Variants in TASP1 observed in about 807,000 individuals in gnomAD.
The protein encoded by TASP1 is threonine aspartase 1.
A neutral mutation model predicts 56.6 loss-of-function variants in TASP1; 16 were observed. That is an observed-to-expected ratio of 0.28 (90% CI 0.19 to 0.43). The LOEUF is 0.43. TASP1 is among the 20% of genes least tolerant of loss of function. TASP1 has a pLI of 1.00. For missense variants in TASP1, 393 were observed against 511.6 expected, an observed-to-expected ratio of 0.77 and a Z score of 2.24; for synonymous variants, 179 against 184.2, an observed-to-expected ratio of 0.97 and a Z score of 0.23.
the TASP1 span, among the ~76,000 whole-genome samples, chr20:13,181,648 G>C: frequency 1.4e-4 from 21 of 152,272 alleles, no homozygotes; most frequent in Middle Eastern, 3.4e-3. Flanking sequence ...TGATGACGAT[G>C]AGACATATTA....
chr20:13,215,943 G>T, the TASP1 span, among the ~76,000 whole-genome samples: 1 of 151,972 alleles, frequency 6.6e-6, no homozygotes, highest in African/African-American at 2.4e-5. Context: ...TGACCCCTTC[G>T]TAGTTCAAAG....
the TASP1 span, among the ~76,000 whole-genome samples, chr20:13,254,863 G>A: frequency 6.6e-6 from 1 of 152,150 alleles, no homozygotes; most frequent in Non-Finnish European, 1.5e-5. Context: ...ACACTTATTG[G>A]GCATTGAAAT....
At chr20:13,136,618 T>TATAA in the TASP1 span, among the ~76,000 whole-genome samples, 9 of 146,166 alleles carry the variant, frequency 6.2e-5, no homozygotes, top group East Asian at 8.0e-4. Context: ...TATATATATA[T>TATAA]AATATACATA....
Position 13,553,274 on chromosome 20 carries a change from T to G in TASP1, c.675+5734A>C, listed in dbSNP as rs1028849. Among the ~76,000 whole-genome samples, 493 of 152,232 alleles carry G rather than the reference T, an allele frequency of 3.2e-3. 2 individuals carry two copies. The highest frequency in any genetic ancestry group is 0.012 in the East Asian group (60 of 5,182). On this transcript the variant is annotated intron_variant, in intron 8 of 13. Transcript: ENST00000337743. ...GTTTTTAACGTTTTGACAAAAATAT[T>G]TAAAGGTCATGGAACAAGCTAAATT...
At chr20:13,222,311 G>A in the TASP1 span, among the ~76,000 whole-genome samples, 16 of 152,184 alleles carry the variant, frequency 1.1e-4, no homozygotes, top group Non-Finnish European at 1.9e-4. Context: ...GACGCAAGGA[G>A]ACTTTATAGG....
At chr20:13,282,847 G>C in the TASP1 span, among the ~76,000 whole-genome samples, 3 of 152,188 alleles carry the variant, frequency 2.0e-5, no homozygotes, top group African/African-American at 7.2e-5. Flanking sequence ...GCGAAGCTGA[G>C]ACTGCTAGCC....
At chr20:13,592,287 C>T (rs1417062555) in intron 4 of TASP1, among the ~76,000 whole-genome samples, 1 of 151,642 alleles carries the variant, frequency 6.6e-6, no homozygotes, top group Non-Finnish European at 1.5e-5. Context: ...ATCCCAGCTA[C>T]TCGGGAGGCT....
chr20:13,500,054 TA>T (rs1376876522), intron 10 of TASP1, among the ~76,000 whole-genome samples: 1 of 151,548 alleles, frequency 6.6e-6, no homozygotes, highest in African/African-American at 2.4e-5. Flanking sequence ...GAGTGATGGA[TA>T]CACTAGAAGC....
At chr20:13,520,315 G>C (rs1038669533) in intron 10 of TASP1, among the ~76,000 whole-genome samples, 4 of 152,278 alleles carry the variant, frequency 2.6e-5, no homozygotes, top group East Asian at 1.9e-4. Context: ...ACATTGCCAA[G>C]TCAATCCTAA....
intron 7 of TASP1, among the ~76,000 whole-genome samples, chr20:13,560,110 CTT>C (rs978604574): frequency 6.6e-6 from 1 of 152,086 alleles, no homozygotes; most frequent in African/African-American, 2.4e-5. Context: ...AATTTTAAAA[CTT>C]GATATACAAA....
Position 13,409,124 on chromosome 20 carries a change from A to C in TASP1, c.1170+8324T>G, listed in dbSNP as rs2042015100. 2.0e-5 allele frequency among the ~76,000 whole-genome samples: 3 copies of C among 152,002 alleles called. No homozygotes were observed. In the South Asian group the frequency reaches 6.2e-4, roughly 31 times the overall value. ...TTTAATGTTTTAATTGCATCCTATA[A>C]ATTCTGATATATTGTTTTAATTATC... On this transcript the variant is annotated intron_variant, in intron 13 of 13. Coordinates refer to ENST00000337743, the MANE Select transcript of TASP1 (RefSeq NM_017714.3).
rs192942780 is a variant in TASP1 at position 13,396,824 on chromosome 20, G to A, written c.1171-6372C>T. 1.3e-4 allele frequency among the ~76,000 whole-genome samples: 20 copies of A among 152,252 alleles called. No individual in the cohort carries two copies. In the East Asian group the frequency reaches 1.9e-3, roughly 15 times the overall value. On this transcript the variant is annotated intron_variant, in intron 13 of 13. Coordinates refer to ENST00000337743, the MANE Select transcript of TASP1 (RefSeq NM_017714.3). ...CAGATGAAACACAAAGATGACATTC[G>A]GGTAAATTTCATTGTTAGCACTGAA...
At chr20:13,279,960 A>G in the TASP1 span, 4 of 1,498,164 alleles carry the variant, frequency 2.7e-6, no homozygotes, top group Non-Finnish European at 3.6e-6. Flanking sequence ...GATGCCTTGG[A>G]CATGGAGCCA....
chr20:13,504,774 C>T (rs1050527188), intron 10 of TASP1, among the ~76,000 whole-genome samples: 1 of 151,966 alleles, frequency 6.6e-6, no homozygotes, highest in Non-Finnish European at 1.5e-5. Flanking sequence ...TAGCTGTTAG[C>T]TTAAAATAGA....
chr20:13,471,600 T>G (rs1253946680), intron 11 of TASP1, among the ~76,000 whole-genome samples: 1 of 152,182 alleles, frequency 6.6e-6, no homozygotes, highest in South Asian at 2.1e-4. Flanking sequence ...GTTCTATTTC[T>G]CTAATTGCCA....
intron 10 of TASP1, among the ~76,000 whole-genome samples, chr20:13,483,621 C>CA (rs923246054): frequency 5.7e-4 from 87 of 151,734 alleles, no homozygotes; most frequent in Non-Finnish European, 1.1e-3. Context: ...TAGGCACTAA[C>CA]AAAAAAAATC....
chr20:13,272,887 T>G, the TASP1 span, among the ~76,000 whole-genome samples: 1 of 152,192 alleles, frequency 6.6e-6, no homozygotes, highest in African/African-American at 2.4e-5. Flanking sequence ...ATCCCAAGGG[T>G]GTTTAGGCCA....
the TASP1 span, among the ~76,000 whole-genome samples, chr20:13,170,873 C>T: frequency 8.5e-5 from 13 of 152,254 alleles, no homozygotes; most frequent in South Asian, 2.5e-3. Context: ...TTTCCCAGAT[C>T]TGAAGCATGC....
intron 6 of TASP1, among the ~76,000 whole-genome samples, chr20:13,571,004 C>T (rs2046694156): frequency 6.6e-6 from 1 of 152,144 alleles, no homozygotes; most frequent in African/African-American, 2.4e-5. Context: ...TCAGCACTCC[C>T]ATTGGTCACT....
Sources: gnomAD v4.1 joint callset for allele counts (sites outside exome capture counted in the v4.1 genomes callset) on GRCh38, gnomAD v4.1.1 for gene constraint, MANE v1.5 for transcripts, NCBI Gene and HGNC (gene_info 2026-07-23, HGNC 2026-07-21) for gene names.